PLA2G4A: variants seen among roughly 807,000 people sequenced by gnomAD.
PLA2G4A encodes the protein phospholipase A2 group IVA, also known as cytosolic phospholipase A2.
A neutral mutation model predicts 81.9 loss-of-function variants in PLA2G4A; 40 were observed. The observed-to-expected ratio is 0.49, with a 90% CI of 0.38 to 0.64. PLA2G4A has a LOEUF of 0.64. Among genes scored for constraint, PLA2G4A ranks in the 30% least tolerant of loss-of-function variants. The pLI, the probability that PLA2G4A is intolerant of heterozygous loss-of-function variation, is 0.00. For synonymous variants in PLA2G4A, 302 were observed against 296.9 expected (o/e 1.02, Z -0.18); for missense variants, 715 against 905.1 (o/e 0.79, Z 2.69).
chr1:186,950,360 C>T (rs2102241130), intron 12 of PLA2G4A, among the ~76,000 whole-genome samples: 1 of 152,034 alleles, frequency 6.6e-6, no homozygotes, highest in South Asian at 2.1e-4. Flanking sequence ...AAGGAGCTTC[C>T]TATAATCAAG....
At chr1:186,940,823 C>T (rs1055413792) in intron 10 of PLA2G4A, among the ~76,000 whole-genome samples, 1 of 152,176 alleles carries the variant, frequency 6.6e-6, no homozygotes, top group Middle Eastern at 3.2e-3. Context: ...ATAGAGCCAA[C>T]TGTATGTTTG....
intron 2 of PLA2G4A, among the ~76,000 whole-genome samples, chr1:186,867,256 A>G (rs1356903892): frequency 6.6e-6 from 1 of 151,974 alleles, no homozygotes; most frequent in Non-Finnish European, 1.5e-5. Context: ...TGTGATTTTT[A>G]TTGGGTCTTT....
intron 3 of PLA2G4A, among the ~76,000 whole-genome samples, chr1:186,872,542 T>G (rs145993403): frequency 6.6e-6 from 1 of 151,922 alleles, no homozygotes; most frequent in East Asian, 1.9e-4. Context: ...CAATGAAGCG[T>G]TCTGTTGTGT....
intron 7 of PLA2G4A, among the ~76,000 whole-genome samples, chr1:186,930,893 C>A (rs1420715137): frequency 6.6e-6 from 1 of 152,106 alleles, no homozygotes; most frequent in East Asian, 1.9e-4. Flanking sequence ...AACCTTAGGC[C>A]CAGAACTGAG....
At chr1:186,839,862 G>T (rs754606169) in intron 1 of PLA2G4A, among the ~76,000 whole-genome samples, 5 of 150,552 alleles carry the variant, frequency 3.3e-5, no homozygotes, top group African/African-American at 4.9e-5. Context: ...CCCCACAGAA[G>T]TAGAAGGGGA....
At chr1:186,836,228 A>G (rs1209080259) in intron 1 of PLA2G4A, among the ~76,000 whole-genome samples, 1 of 151,270 alleles carries the variant, frequency 6.6e-6, no homozygotes, top group African/African-American at 2.4e-5. Context: ...TATAATTAAT[A>G]ATCAATATGA....
chr1:186,858,054 C>A (rs1652654996), intron 2 of PLA2G4A, among the ~76,000 whole-genome samples: 1 of 152,130 alleles, frequency 6.6e-6, no homozygotes, highest in African/African-American at 2.4e-5. Context: ...GTGAATAGTG[C>A]CACAATAAAC....
intron 3 of PLA2G4A, among the ~76,000 whole-genome samples, chr1:186,888,611 T>G (rs979151342): frequency 5.9e-5 from 9 of 152,308 alleles, no homozygotes; most frequent in South Asian, 2.1e-4. Context: ...CCTCTAAAAT[T>G]AGGCTATTAA....
chr1:186,850,378 G>T (rs780505802), intron 1 of PLA2G4A, among the ~76,000 whole-genome samples: 93 of 152,240 alleles, frequency 6.1e-4, no homozygotes, highest in Middle Eastern at 6.8e-3. Context: ...AGAAGAATAG[G>T]TTTTAAGATT....
intron 2 of PLA2G4A, among the ~76,000 whole-genome samples, chr1:186,861,373 A>G (rs1237296903): frequency 6.6e-6 from 1 of 152,138 alleles, no homozygotes; most frequent in African/African-American, 2.4e-5. Flanking sequence ...AAATGCCCCT[A>G]TGGCAAAACT....
chr1:186,863,460 A>T (rs1202832239), intron 2 of PLA2G4A, among the ~76,000 whole-genome samples: 1 of 152,150 alleles, frequency 6.6e-6, no homozygotes, highest in Non-Finnish European at 1.5e-5. Context: ...TAGCATATTC[A>T]TCATCTCATA....
intron 2 of PLA2G4A, among the ~76,000 whole-genome samples, chr1:186,867,815 T>C (rs543078610): frequency 3.3e-5 from 5 of 152,152 alleles, no homozygotes; most frequent in African/African-American, 4.8e-5. Flanking sequence ...TCATTAAATA[T>C]GACATTAATT....
At position 186,970,364 on chromosome 1, in the gene PLA2G4A, T is replaced by C. The variant is rs111622121; in HGVS notation, c.1764+4771T>C. ...TCTCCCATTCTGTGGTTCGTCTCTT[T>C]TCTTTGTTGATTATTTCTTTTGCTG... On this transcript the variant is annotated intron_variant, in intron 15 of 17. Transcript: ENST00000367466. Among the ~76,000 whole-genome samples, 399 of 152,104 alleles carry C rather than the reference T, an allele frequency of 2.6e-3. 3 individuals carry two copies. The highest frequency in any genetic ancestry group is 8.6e-3 in the African/African-American group (359 of 41,548).
intron 13 of PLA2G4A, among the ~76,000 whole-genome samples, chr1:186,952,145 C>T (rs913996525): frequency 6.6e-6 from 1 of 152,114 alleles, no homozygotes; most frequent in Non-Finnish European, 1.5e-5. Flanking sequence ...TGCCTAGCAT[C>T]TTTAGAATTA....
At chr1:186,958,699 G>C (rs190385917) in intron 14 of PLA2G4A, among the ~76,000 whole-genome samples, 72 of 152,196 alleles carry the variant, frequency 4.7e-4, no homozygotes, top group Middle Eastern at 3.4e-3. Flanking sequence ...AAAAATGGAA[G>C]TTTTCTTTGT....
At chr1:186,916,945 C>G (rs1655158257) in intron 7 of PLA2G4A, among the ~76,000 whole-genome samples, 1 of 152,090 alleles carries the variant, frequency 6.6e-6, no homozygotes. Flanking sequence ...GTGCATAGAC[C>G]AGTCAGCTTC....
At chr1:186,841,427 T>C (rs894724907) in intron 1 of PLA2G4A, among the ~76,000 whole-genome samples, 4 of 152,076 alleles carry the variant, frequency 2.6e-5, no homozygotes, top group Admixed American at 6.5e-5. Context: ...CCCCAGTGCA[T>C]GTGGGGGGCA....
Position 186,863,850 on chromosome 1 carries a change from TCCCG to T in PLA2G4A, c.34-6584_34-6581del, listed in dbSNP as rs1400127238. On this transcript the variant is annotated intron_variant, in intron 2 of 17. Transcript: ENST00000367466. Reference sequence around the variant, plus strand: ...ATCTCAGCTCACTGTAACCTCCGCCTCCCGGGTTCAAGCCATTATCCTGTCTCAG... The same window carrying T: ...ATCTCAGCTCACTGTAACCTCCGCCTGGTTCAAGCCATTATCCTGTCTCAG... Among the ~76,000 whole-genome samples the T allele has an allele frequency of 2.6e-5, 4 of 151,398 alleles. No homozygotes were observed. The East Asian group carries it at 7.8e-4, about 29-fold the overall frequency.
At position 186,982,022 on chromosome 1, in the gene PLA2G4A, G is replaced by A. The variant is rs148919033; in HGVS notation, c.2118+2550G>A. ...TTATTCACAAAGGAAAAAATTAAAT[G>A]TACCTCTTTCACATTATCAACAAAG... On this transcript the variant is annotated intron_variant, in intron 17 of 17. Transcript: ENST00000367466. Among the ~76,000 whole-genome samples, 501 of 152,236 alleles carry A rather than the reference G, an allele frequency of 3.3e-3. 2 individuals carry two copies. The highest frequency in any genetic ancestry group is 0.011 in the African/African-American group (454 of 41,550).
Sources: allele counts gnomAD v4.1 joint callset (sites outside exome capture counted in the v4.1 genomes callset), GRCh38; gene constraint gnomAD v4.1.1; transcripts MANE v1.5; gene names NCBI Gene and HGNC (gene_info 2026-07-23, HGNC 2026-07-21).